Variants in ZNF385B observed in about 807,000 individuals in gnomAD.
ZNF385B encodes the protein zinc finger protein 533.
In ZNF385B, 23 loss-of-function variants were observed where a neutral mutation model predicts 39.2. That is an observed-to-expected ratio of 0.59 (90% confidence interval 0.42 to 0.83). The LOEUF (loss-of-function observed/expected upper bound fraction) is 0.83. ZNF385B is among the 40% of genes least tolerant of loss of function. The probability of loss-of-function intolerance (pLI) is 0.00; values close to 1 mark genes in which losing one functional copy is unlikely to be tolerated. For missense variants in ZNF385B, 552 were observed against 598.9 expected, an observed-to-expected ratio of 0.92 and a Z score of 0.82; for synonymous variants, 205 against 222.6, an observed-to-expected ratio of 0.92 and a Z score of 0.70.
At chr2:179,777,211 T>C (rs1467741920) in intron 1 of ZNF385B, among the ~76,000 whole-genome samples, 4 of 152,056 alleles carry the variant, frequency 2.6e-5, no homozygotes, top group Non-Finnish European at 5.9e-5. Flanking sequence ...ATGGATTTTA[T>C]TTTTAATGCA....
intron 3 of ZNF385B, among the ~76,000 whole-genome samples, chr2:179,726,267 A>AG (rs1420724587): frequency 1.3e-5 from 2 of 152,018 alleles, no homozygotes; most frequent in Non-Finnish European, 2.9e-5. Flanking sequence ...CCATTATTTG[A>AG]GGGCTTCATG....
At chr2:179,664,211 C>T (rs973883052) in intron 3 of ZNF385B, among the ~76,000 whole-genome samples, 2 of 150,920 alleles carry the variant, frequency 1.3e-5, no homozygotes, top group African/African-American at 4.9e-5. Flanking sequence ...CAATATTTCA[C>T]ATTTTTCTAT....
intron 6 of ZNF385B, among the ~76,000 whole-genome samples, chr2:179,455,362 T>C (rs911797559): frequency 6.6e-6 from 1 of 151,992 alleles, no homozygotes; most frequent in African/African-American, 2.4e-5. Context: ...GGGAGGTAAT[T>C]GAATCATGGG....
chr2:179,716,255 C>T (rs1002286089), intron 3 of ZNF385B, among the ~76,000 whole-genome samples: 1 of 152,122 alleles, frequency 6.6e-6, no homozygotes, highest in African/African-American at 2.4e-5. Flanking sequence ...TCATGAAATT[C>T]TCATTTTGGC....
chr2:179,736,812 T>C (rs1204517075), intron 3 of ZNF385B, among the ~76,000 whole-genome samples: 2 of 151,804 alleles, frequency 1.3e-5, no homozygotes, highest in Admixed American at 6.6e-5. Flanking sequence ...TCTACTAAAA[T>C]ACAAAAAATT....
At chr2:179,507,027 C>G (rs1298306832) in intron 5 of ZNF385B, among the ~76,000 whole-genome samples, 1 of 151,852 alleles carries the variant, frequency 6.6e-6, no homozygotes, top group African/African-American at 2.4e-5. Context: ...AAGTAGCAAA[C>G]CCAAAATTTG....
intron 3 of ZNF385B, among the ~76,000 whole-genome samples, chr2:179,626,667 G>C (rs536984667): frequency 6.6e-6 from 1 of 152,140 alleles, no homozygotes; most frequent in South Asian, 2.1e-4. Flanking sequence ...CAGTAATCTT[G>C]AAAACTGCAT....
chr2:179,489,896 C>A (rs2055018117), intron 5 of ZNF385B, among the ~76,000 whole-genome samples: 1 of 152,172 alleles, frequency 6.6e-6, no homozygotes, highest in Admixed American at 6.5e-5. Context: ...CTATTATGAG[C>A]TTTTTAGCTT....
At chr2:179,591,075 C>T (rs1350447379) in intron 3 of ZNF385B, among the ~76,000 whole-genome samples, 4 of 148,184 alleles carry the variant, frequency 2.7e-5, no homozygotes, top group Non-Finnish European at 4.5e-5. Flanking sequence ...GATAAAGTAT[C>T]TTAGTCCCAG....
chr2:179,671,540 T>C (rs1430315758), intron 3 of ZNF385B, among the ~76,000 whole-genome samples: 1 of 152,150 alleles, frequency 6.6e-6, no homozygotes, highest in Non-Finnish European at 1.5e-5. Context: ...GACCTATTAT[T>C]GTCCAAGATG....
intron 3 of ZNF385B, among the ~76,000 whole-genome samples, chr2:179,741,655 A>G (rs1285911139): frequency 6.6e-6 from 1 of 152,138 alleles, no homozygotes; most frequent in Non-Finnish European, 1.5e-5. Flanking sequence ...TTATATTAAT[A>G]TGTTATAAAG....
chr2:179,634,993 A>AT lies in ZNF385B; in HGVS notation c.299-90025dup, dbSNP rs1553486659. Among the ~76,000 whole-genome samples the AT allele has an allele frequency of 6.9e-3, 965 of 140,456 alleles. 15 individuals are homozygous for AT. Among genetic ancestry groups the AT allele is most frequent in the African/African-American group, 0.024 (895 of 37,720 alleles). 92.1% of individuals were successfully genotyped at this position (140,456 alleles called of 152,430 possible). On this transcript the variant is annotated intron_variant, in intron 3 of 9. Transcript: ENST00000410066. ...AAATACAAAAAAAAAAAAAAAAAAA[A>AT]TAGCCAGGCGTGGTGGCAGGTGCCT...
At chr2:179,660,584 T>C (rs967606093) in intron 3 of ZNF385B, among the ~76,000 whole-genome samples, 2 of 152,228 alleles carry the variant, frequency 1.3e-5, no homozygotes, top group African/African-American at 4.8e-5. Flanking sequence ...GCATCTTATC[T>C]CACCAATGAT....
chr2:179,533,029 C>G (rs1004991740), intron 4 of ZNF385B, among the ~76,000 whole-genome samples: 5 of 152,138 alleles, frequency 3.3e-5, no homozygotes, highest in African/African-American at 1.2e-4. Flanking sequence ...CCTGTGATGA[C>G]CGACTCCAGG....
At chr2:179,788,430 C>T (rs1705132516) in intron 1 of ZNF385B, among the ~76,000 whole-genome samples, 1 of 152,128 alleles carries the variant, frequency 6.6e-6, no homozygotes, top group Non-Finnish European at 1.5e-5. Context: ...ATGTAACATG[C>T]TCAAGAGTAA....
At chr2:179,807,922 GAAA>G in intron 1 of ZNF385B, among the ~76,000 whole-genome samples, 1 of 149,952 alleles carries the variant, frequency 6.7e-6, no homozygotes, top group Non-Finnish European at 1.5e-5. Flanking sequence ...AAGAAAGAAA[GAAA>G]GAAAGAAGGA....
At chr2:179,566,348 G>T (rs896263275) in intron 3 of ZNF385B, among the ~76,000 whole-genome samples, 2 of 152,218 alleles carry the variant, frequency 1.3e-5, no homozygotes, top group African/African-American at 4.8e-5. Flanking sequence ...AGCTGTGTAA[G>T]ATACAGCATT....
intron 3 of ZNF385B, among the ~76,000 whole-genome samples, chr2:179,671,453 T>C (rs1240197308): frequency 1.3e-5 from 2 of 152,174 alleles, no homozygotes; most frequent in African/African-American, 4.8e-5. Context: ...GAAAAGCATA[T>C]TCAAGACAAA....
intron 3 of ZNF385B, among the ~76,000 whole-genome samples, chr2:179,739,395 A>G (rs749595371): frequency 2.6e-5 from 4 of 152,210 alleles, no homozygotes; most frequent in Non-Finnish European, 5.9e-5. Flanking sequence ...GATATAAAGC[A>G]CTGCCAAGTC....
Sources: gnomAD v4.1 joint callset for allele counts (sites outside exome capture counted in the v4.1 genomes callset) on GRCh38, gnomAD v4.1.1 for gene constraint, MANE v1.5 for transcripts, NCBI Gene and HGNC (gene_info 2026-07-23, HGNC 2026-07-21) for gene names.